NEK5: variants seen among roughly 807,000 people sequenced by gnomAD.
NEK5 encodes NIMA related kinase 5, also known as serine/threonine-protein kinase Nek5.
Under a neutral mutation model 109.2 loss-of-function variants are expected in NEK5, and 88 were observed. The observed-to-expected ratio is 0.81, with a 90% CI of 0.68 to 0.96. The LOEUF (loss-of-function observed/expected upper bound fraction) is 0.96, where lower values mean the gene tolerates loss of function less well. Ranked by LOEUF, NEK5 falls within the 40% of genes least tolerant of loss-of-function variation. NEK5 has a pLI of 0.00. For synonymous variants in NEK5, 283 were observed against 299.9 expected, an observed-to-expected ratio of 0.94 and a Z score of 0.58; for missense variants, 834 against 920.7, an observed-to-expected ratio of 0.91 and a Z score of 1.22.
chr13:52,083,486 C>T lies in NEK5; in HGVS notation c.1480-134G>A, dbSNP rs1593953461. 4.9e-6 allele frequency: 3 copies of T among 609,142 alleles called. No individual in the cohort carries two copies. In the East Asian group the frequency reaches 8.7e-5, roughly 18 times the overall value. The allele number at this position is 609,142 out of a possible 1,614,324, so 37.7% of individuals were successfully genotyped here. On this transcript the variant is annotated intron_variant, in intron 16 of 23. Coordinates refer to ENST00000684899, the MANE Select transcript of NEK5 (RefSeq NM_001365552.1). ...TAGCTCCTTTTCCCCGCCACAGCTT[C>T]AGTATTTCCCAAATCCTTCCTCCAT...
chr13:52,104,253 A>G (rs934492766), intron 9 of NEK5, among the ~76,000 whole-genome samples: 1 of 152,090 alleles, frequency 6.6e-6, no homozygotes, highest in Non-Finnish European at 1.5e-5. Context: ...ATGAGCCACC[A>G]CGCCAAGCCC....
Position 52,112,325 on chromosome 13 carries a change from T to A in NEK5, c.255A>T (p.Gly85=). The A allele has an allele frequency of 6.2e-7, 1 of 1,610,570 alleles. No individual in the cohort carries two copies. Among genetic ancestry groups the A allele is most frequent in the South Asian group, 1.1e-5 (1 of 90,928 alleles). ...TATTGATCCTTTTCATGAGATCCCC[T>A]CCATCACAATATTCCATTACAATAA... is the stretch of plus-strand genomic sequence containing the variant. The part of the protein sequence containing the change: ...RLFIVMEYCD[G]GDLMKRINRQ... The change falls in exon 5 of 24, where the codon GGA becomes GGT. Residue 85 remains glycine (G), a synonymous_variant. Coordinates refer to ENST00000684899, the MANE Select transcript of NEK5 (RefSeq NM_001365552.1).
chr13:52,056,073 C>A (rs554931669), intron 22 of NEK5, among the ~76,000 whole-genome samples: 1 of 151,280 alleles, frequency 6.6e-6, no homozygotes, highest in South Asian at 2.1e-4. Context: ...CAGAGACACA[C>A]ATACGCTCAA....
chr13:52,083,215 GCA>G (rs1223087140), intron 17 of NEK5, 43 bp downstream of exon 17: 2 of 1,314,846 alleles, frequency 1.5e-6, no homozygotes, highest in South Asian at 1.2e-5. Context: ...TTGGGGTAGA[GCA>G]CACACACTGC....
At chr13:52,053,188 C>A (rs1954523278) in intron 22 of NEK5, among the ~76,000 whole-genome samples, 1 of 152,142 alleles carries the variant, frequency 6.6e-6, no homozygotes, top group Non-Finnish European at 1.5e-5. Context: ...GTAATCCCAG[C>A]TGCTCCAGAG....
Position 52,083,365 on chromosome 13 carries a change from T to TTATA in NEK5, c.1480-17_1480-14dup, listed in dbSNP as rs902710069. 3 of 1,512,650 alleles carry TTATA rather than the reference T, an allele frequency of 2.0e-6. No individual in the cohort carries two copies. The highest frequency in any genetic ancestry group is 2.8e-6 in the Non-Finnish European group (3 of 1,088,152). The allele number at this position is 1,512,650 out of a possible 1,614,324, so 93.7% of individuals were successfully genotyped here. On this transcript the variant is annotated splice_polypyrimidine_tract_variant and intron_variant, in intron 16 of 23. Transcript: ENST00000684899. ...TTTTTGAGTTCTCCTTTAACACAAA[T>TTATA]TATACACAGTCAACAAGATTGGTTC...
chr13:52,069,654 T>C (rs1298003576), intron 20 of NEK5, among the ~76,000 whole-genome samples: 2 of 152,210 alleles, frequency 1.3e-5, no homozygotes, highest in East Asian at 1.9e-4. Flanking sequence ...GAAAGCTTCA[T>C]GCATTTGAAT....
chr13:52,068,995 A>G (rs1272779730), intron 20 of NEK5, among the ~76,000 whole-genome samples: 1 of 151,766 alleles, frequency 6.6e-6, no homozygotes, highest in East Asian at 1.9e-4. Flanking sequence ...AAAAGAAAAA[A>G]GAAAAAAAAA....
chr13:52,038,709 G>C (rs1211921883), intron 23 of NEK5, among the ~76,000 whole-genome samples: 1 of 150,082 alleles, frequency 6.7e-6, no homozygotes, highest in Non-Finnish European at 1.5e-5. Context: ...AGTGCTGGGA[G>C]AGCTACTCAG....
chr13:52,079,250 T>A (rs934692880), intron 17 of NEK5, among the ~76,000 whole-genome samples: 1 of 148,532 alleles, frequency 6.7e-6, no homozygotes, highest in Non-Finnish European at 1.5e-5. Context: ...AAGGAAGATG[T>A]CTTTTTAAAT....
chr13:52,127,291 T>A (rs527586648), intron 3 of NEK5, 75 bp downstream of exon 3: 1 of 818,848 alleles, frequency 1.2e-6, no homozygotes, highest in South Asian at 1.6e-5. Flanking sequence ...AAAATAAAAA[T>A]TTCCTTTTTA....
chr13:52,064,487 G>C (rs1306995706), intron 21 of NEK5, among the ~76,000 whole-genome samples: 20 of 147,216 alleles, frequency 1.4e-4, no homozygotes, highest in Admixed American at 9.3e-4. Context: ...CGCCCCGTCT[G>C]GGAGGGAGGT....
intron 23 of NEK5, among the ~76,000 whole-genome samples, chr13:52,039,831 GTCTGAATGT>G (rs896169316): frequency 2.0e-5 from 3 of 151,736 alleles, no homozygotes; most frequent in Non-Finnish European, 4.4e-5. Context: ...TTTTGCTATG[GTCTGAATGT>G]TTGTGCCCCT....
intron 8 of NEK5, among the ~76,000 whole-genome samples, chr13:52,107,716 T>G (rs1177246828): frequency 6.6e-6 from 1 of 152,066 alleles, no homozygotes; most frequent in African/African-American, 2.4e-5. Context: ...AAGGAATTCT[T>G]AACAAGGAGC....
intron 23 of NEK5, among the ~76,000 whole-genome samples, chr13:52,043,551 AG>A (rs1337646149): frequency 6.8e-6 from 1 of 146,212 alleles, no homozygotes; most frequent in African/African-American, 2.5e-5. Context: ...AAAAAAAAAA[AG>A]AAAGAAAAAG....
intron 10 of NEK5, 28 bp from the exon 11 acceptor site, chr13:52,102,042 C>A (rs775712990): frequency 6.2e-7 from 1 of 1,612,686 alleles, no homozygotes; most frequent in South Asian, 1.1e-5. Flanking sequence ...TGTCAAGGAC[C>A]TGCAACCCAA....
chr13:52,053,580 A>G (rs969380849), intron 22 of NEK5, among the ~76,000 whole-genome samples: 8 of 151,818 alleles, frequency 5.3e-5, no homozygotes, highest in African/African-American at 1.9e-4. Flanking sequence ...CAGAGATTGA[A>G]TCTTGAGACA....
At chr13:52,037,298 T>C in intron 23 of NEK5, 80 bp from the exon 24 acceptor site, 2 of 630,566 alleles carry the variant, frequency 3.2e-6, no homozygotes, top group Non-Finnish European at 4.0e-6. Flanking sequence ...TTCCCTTTTC[T>C]CCATCCCCAG....
chr13:52,128,365 C>T (rs1956109675), intron 1 of NEK5, among the ~76,000 whole-genome samples: 1 of 152,086 alleles, frequency 6.6e-6, no homozygotes, highest in South Asian at 2.1e-4. Context: ...CACGTTCAGG[C>T]GACTCCCCAG....
Sources: gnomAD v4.1 joint callset for allele counts (sites outside exome capture counted in the v4.1 genomes callset) on GRCh38, gnomAD v4.1.1 for gene constraint, MANE v1.5 for transcripts, NCBI Gene and HGNC (gene_info 2026-07-23, HGNC 2026-07-21) for gene names.